ANKS1B: variants seen among roughly 807,000 people sequenced by gnomAD.
ANKS1B encodes the protein ankyrin repeat and sterile alpha motif domain-containing protein 1B.
ANKS1B carries 36 observed loss-of-function variants against 148.3 expected under a neutral mutation model. The ratio of observed to expected loss-of-function variants is 0.24; its 90% CI spans 0.19 to 0.32. ANKS1B has a LOEUF of 0.32. ANKS1B is among the 10% of genes least tolerant of loss of function. ANKS1B has a pLI of 1.00. For missense variants in ANKS1B, 1,157 were observed against 1,542.6 expected (o/e 0.75, Z 4.19); for synonymous variants, 542 against 560.8 (o/e 0.97, Z 0.47).
At chr12:99,967,152 T>C (rs1417190966) in intron 1 of ANKS1B, among the ~76,000 whole-genome samples, 1 of 152,168 alleles carries the variant, frequency 6.6e-6, no homozygotes, top group East Asian at 1.9e-4. Flanking sequence ...TTATGAATAA[T>C]TTATTGAATA....
Position 99,773,094 on chromosome 12 carries a change from A to G in ANKS1B, c.962-6T>C. 1 of 1,587,402 alleles carries G rather than the reference A, an allele frequency of 6.3e-7. No individual in the cohort carries two copies. Among genetic ancestry groups the G allele is most frequent in the African/African-American group, 1.4e-5 (1 of 73,390 alleles). ...TTCTCCAGTGACGGTTTCACCTATG[A>G]GAATAATTTTTTCAGAAGTTTCAAG... On this transcript the variant is annotated splice_region_variant and splice_polypyrimidine_tract_variant and intron_variant, in intron 7 of 26. Transcript: ENST00000683438.
chr12:99,775,502 A>T, intron 7 of ANKS1B, 46 bp downstream of exon 7: 1 of 1,320,382 alleles, frequency 7.6e-7, no homozygotes, highest in Non-Finnish European at 1.1e-6. Flanking sequence ...ACAACTGTAC[A>T]TACAAGTCTA....
intron 8 of ANKS1B, among the ~76,000 whole-genome samples, chr12:99,714,555 T>G (rs762832407): frequency 4.9e-4 from 75 of 152,176 alleles, no homozygotes; most frequent in Admixed American, 7.9e-4. Flanking sequence ...TTATTATATT[T>G]TTTGTGGTGA....
chr12:99,882,120 G>A (rs377727824), intron 1 of ANKS1B, among the ~76,000 whole-genome samples: 6 of 152,234 alleles, frequency 3.9e-5, no homozygotes, highest in East Asian at 1.9e-4. Context: ...AAATGCAATA[G>A]CAAAACTTTG....
intron 12 of ANKS1B, among the ~76,000 whole-genome samples, chr12:99,346,763 A>G: frequency 6.6e-6 from 1 of 151,864 alleles, no homozygotes. Flanking sequence ...GAGTTATCAA[A>G]GATCTGGTTG....
chr12:98,981,768 GA>G (rs1297056396), intron 17 of ANKS1B, among the ~76,000 whole-genome samples: 2 of 152,230 alleles, frequency 1.3e-5, no homozygotes, highest in African/African-American at 4.8e-5. Context: ...GACCTTAAAT[GA>G]TTAATCATAA....
At chr12:99,458,056 C>G (rs1171115492) in intron 10 of ANKS1B, among the ~76,000 whole-genome samples, 1 of 151,862 alleles carries the variant, frequency 6.6e-6, no homozygotes, top group Non-Finnish European at 1.5e-5. Flanking sequence ...ATTTAAGAAA[C>G]TCAAAATCAT....
chr12:99,037,011 T>A (rs968149300), intron 17 of ANKS1B, among the ~76,000 whole-genome samples: 1 of 152,178 alleles, frequency 6.6e-6, no homozygotes, highest in Non-Finnish European at 1.5e-5. Flanking sequence ...ATGCATCTTA[T>A]AATAGATGGT....
chr12:99,865,942 CT>C (rs1461464334), intron 1 of ANKS1B, among the ~76,000 whole-genome samples: 1 of 152,068 alleles, frequency 6.6e-6, no homozygotes, highest in African/African-American at 2.4e-5. Flanking sequence ...TCAACATGCC[CT>C]GTGCTCCTCT....
Position 99,801,099 on chromosome 12 carries a change from T to A in ANKS1B, c.669+5305A>T, listed in dbSNP as rs76660543. ...TTATATGAGTTGAGTATATTTCTCT[T>A]CCTCTTTATTTGAGGCTTGGTTTTG... On this transcript the variant is annotated intron_variant, in intron 4 of 26. Coordinates refer to ENST00000683438, the MANE Select transcript of ANKS1B (RefSeq NM_001352186.2). Among the ~76,000 whole-genome samples the A allele has an allele frequency of 9.0e-3, 1,374 of 152,250 alleles. 22 individuals carry two copies. Among genetic ancestry groups the A allele is most frequent in the African/African-American group, 0.031 (1,291 of 41,552 alleles).
chr12:99,584,089 A>C (rs1481421035), intron 9 of ANKS1B, among the ~76,000 whole-genome samples: 1 of 152,204 alleles, frequency 6.6e-6, no homozygotes, highest in Non-Finnish European at 1.5e-5. Context: ...CAGATATGAC[A>C]ATGTAAAAAG....
At chr12:99,037,015 A>G (rs567728275) in intron 17 of ANKS1B, among the ~76,000 whole-genome samples, 1 of 152,340 alleles carries the variant, frequency 6.6e-6, no homozygotes, top group East Asian at 1.9e-4. Context: ...ATCTTATAAT[A>G]GATGGTATTT....
intron 17 of ANKS1B, among the ~76,000 whole-genome samples, chr12:99,043,316 T>C (rs908152674): frequency 6.6e-6 from 1 of 152,232 alleles, no homozygotes; most frequent in Non-Finnish European, 1.5e-5. Flanking sequence ...GTTTTAGTTA[T>C]ATGTTATTTG....
intron 15 of ANKS1B, among the ~76,000 whole-genome samples, chr12:99,095,827 T>C (rs1438537929): frequency 6.6e-6 from 1 of 152,194 alleles, no homozygotes; most frequent in Non-Finnish European, 1.5e-5. Flanking sequence ...GTGTCAATTA[T>C]AGCATTGCCT....
chr12:99,410,914 C>A (rs1212862196), intron 11 of ANKS1B, among the ~76,000 whole-genome samples: 4 of 152,208 alleles, frequency 2.6e-5, no homozygotes, highest in African/African-American at 9.6e-5. Flanking sequence ...GAAACACTCA[C>A]AGGGTGAGGG....
intron 1 of ANKS1B, among the ~76,000 whole-genome samples, chr12:99,848,078 C>A (rs947931148): frequency 2.6e-5 from 4 of 151,980 alleles, no homozygotes; most frequent in African/African-American, 7.2e-5. Context: ...CACAGTCTGG[C>A]CATCAATCAG....
At chr12:99,851,810 T>C (rs757865658) in intron 1 of ANKS1B, among the ~76,000 whole-genome samples, 4 of 152,320 alleles carry the variant, frequency 2.6e-5, no homozygotes, top group East Asian at 1.9e-4. Context: ...AAATTAACTA[T>C]GCAGTATGTA....
chr12:98,780,922 T>C (rs922799466), intron 24 of ANKS1B, among the ~76,000 whole-genome samples, 195 bp downstream of exon 24: 4 of 149,924 alleles, frequency 2.7e-5, no homozygotes, highest in African/African-American at 7.6e-5. Context: ...AAATGGTTCC[T>C]TTCTGTATGT....
intron 9 of ANKS1B, among the ~76,000 whole-genome samples, chr12:99,575,063 C>A (rs56693611): frequency 0.056 from 8,510 of 152,052 alleles, 592 homozygotes; most frequent in African/African-American, 0.15. Context: ...AGTGATTATA[C>A]CAAATTTGCA....
Sources: gnomAD v4.1 joint callset for allele counts (sites outside exome capture counted in the v4.1 genomes callset) on GRCh38, gnomAD v4.1.1 for gene constraint, MANE v1.5 for transcripts, NCBI Gene and HGNC (gene_info 2026-07-23, HGNC 2026-07-21) for gene names.